The following CNDP1 variants were observed in gnomAD, a reference collection of about 807,000 sequenced individuals.
CNDP1 encodes carnosine dipeptidase 1.
In CNDP1, 44 loss-of-function variants were observed where a neutral mutation model predicts 58.1. The ratio of observed to expected loss-of-function variants is 0.76; its 90% CI spans 0.60 to 0.97. CNDP1 has a LOEUF of 0.97. Ranked by LOEUF, CNDP1 falls within the 50% of genes least tolerant of loss-of-function variation. CNDP1 has a pLI of 0.00. For synonymous variants in CNDP1, 254 were observed against 252.6 expected (o/e 1.01, Z -0.05); for missense variants, 616 against 655.1 (o/e 0.94, Z 0.65).
intron 2 of CNDP1, 100 bp downstream of exon 2, chr18:74,556,566 G>A: frequency 7.0e-7 from 1 of 1,438,380 alleles, no homozygotes; most frequent in South Asian, 1.2e-5. Context: ...GGATTTTTTT[G>A]CCTAATTCCA....
At chr18:74,573,985 G>C (rs1421125543) in intron 7 of CNDP1, among the ~76,000 whole-genome samples, 1 of 152,242 alleles carries the variant, frequency 6.6e-6, no homozygotes, top group African/African-American at 2.4e-5. Context: ...ATAGTGTTGA[G>C]CTTTAGTGTT....
chr18:74,578,928 A>T (rs1016433479), intron 9 of CNDP1, among the ~76,000 whole-genome samples: 1 of 152,184 alleles, frequency 6.6e-6, no homozygotes, highest in African/African-American at 2.4e-5. Context: ...CCAACCAATC[A>T]TCAATTTGCC....
At chr18:74,583,499 A>T in intron 10 of CNDP1, 62 bp from the exon 11 acceptor site, 1 of 1,415,812 alleles carries the variant, frequency 7.1e-7, no homozygotes, top group South Asian at 1.2e-5. Context: ...ACTGACCTTG[A>T]GGAGCTTCCT....
At chr18:74,546,488 C>T (rs907725021) in intron 1 of CNDP1, among the ~76,000 whole-genome samples, 3 of 152,110 alleles carry the variant, frequency 2.0e-5, no homozygotes, top group Non-Finnish European at 2.9e-5. Context: ...GTGCCAGATG[C>T]GGTACTGTCT....
intron 10 of CNDP1, among the ~76,000 whole-genome samples, chr18:74,581,360 A>C (rs1170941764): frequency 6.6e-6 from 1 of 151,350 alleles, no homozygotes; most frequent in Non-Finnish European, 1.5e-5. Context: ...TGGGTGTTTA[A>C]TTTTACCTAG....
At chr18:74,569,264 T>C (rs752894145) in intron 6 of CNDP1, among the ~76,000 whole-genome samples, 1 of 152,024 alleles carries the variant, frequency 6.6e-6, no homozygotes, top group Non-Finnish European at 1.5e-5. Context: ...TGGTGCCACA[T>C]TGAAGATGAA....
intron 7 of CNDP1, among the ~76,000 whole-genome samples, chr18:74,572,855 A>AAG (rs1981520941): frequency 6.6e-6 from 1 of 151,412 alleles, no homozygotes; most frequent in South Asian, 2.1e-4. Flanking sequence ...GCAAAAAAAA[A>AAG]ATGTTTAATA....
intron 1 of CNDP1, among the ~76,000 whole-genome samples, chr18:74,548,637 C>T (rs776392147): frequency 1.4e-4 from 22 of 152,138 alleles, no homozygotes; most frequent in South Asian, 4.1e-4. Context: ...GAGGCAACTT[C>T]GGAACTCAGT....
At chr18:74,556,589 A>G in intron 2 of CNDP1, 123 bp downstream of exon 2, 1 of 1,068,016 alleles carries the variant, frequency 9.4e-7, no homozygotes, top group South Asian at 1.3e-5. Context: ...TAAAATGCCT[A>G]TGACTGCTCA....
At chr18:74,560,339 A>C (rs984658774) in intron 3 of CNDP1, among the ~76,000 whole-genome samples, 2 of 152,226 alleles carry the variant, frequency 1.3e-5, no homozygotes, top group Non-Finnish European at 2.9e-5. Context: ...TGAAGAGGAC[A>C]TTCAGCTAAT....
At chr18:74,554,949 A>G (rs771222456) in intron 1 of CNDP1, among the ~76,000 whole-genome samples, 5 of 152,144 alleles carry the variant, frequency 3.3e-5, no homozygotes, top group Non-Finnish European at 5.9e-5. Context: ...AATAAGCAAC[A>G]TCGGCGGGGC....
chr18:74,559,250 G>A, intron 2 of CNDP1, 73 bp from the exon 3 acceptor site: 1 of 1,503,546 alleles, frequency 6.7e-7, no homozygotes, highest in Non-Finnish European at 9.2e-7. Context: ...GCTGTCTCCT[G>A]CCCTCCCTTC....
intron 11 of CNDP1, chr18:74,583,953 G>A (rs1981851597): frequency 2.1e-6 from 1 of 476,042 alleles, no homozygotes. Flanking sequence ...GGTGGGGTTA[G>A]GTGGTTCTGG....
intron 7 of CNDP1, among the ~76,000 whole-genome samples, chr18:74,575,314 TG>T (rs1454002578): frequency 5.3e-5 from 8 of 152,310 alleles, no homozygotes; most frequent in Admixed American, 1.3e-4. Context: ...TGAGGTACAG[TG>T]CGTGCTTAGA....
intron 2 of CNDP1, among the ~76,000 whole-genome samples, chr18:74,558,392 CTTT>C (rs71168498): frequency 2.4e-4 from 27 of 114,298 alleles, no homozygotes; most frequent in Admixed American, 1.1e-3. Context: ...CTTTCTTTTT[CTTT>C]TTTTTTTTTT....
chr18:74,565,868 C>A (rs532637142), intron 5 of CNDP1, among the ~76,000 whole-genome samples: 1 of 152,256 alleles, frequency 6.6e-6, no homozygotes, highest in African/African-American at 2.4e-5. Flanking sequence ...GGGGTTCCAA[C>A]GCCACATTTC....
intron 1 of CNDP1, among the ~76,000 whole-genome samples, chr18:74,541,714 A>C (rs1197636903): frequency 6.6e-6 from 1 of 152,150 alleles, no homozygotes; most frequent in South Asian, 2.1e-4. Flanking sequence ...AGCCCTAATC[A>C]GGAGGTAGGG....
chr18:74,549,261 G>T (rs965218236), intron 1 of CNDP1, among the ~76,000 whole-genome samples: 1 of 152,178 alleles, frequency 6.6e-6, no homozygotes, highest in African/African-American at 2.4e-5. Flanking sequence ...TGCTGAAAAT[G>T]TCAAATCCTA....
In CNDP1 at chr18:74,545,330, T is replaced by A. The variant is rs546009722; in HGVS notation, c.24+10639T>A. On this transcript the variant is annotated intron_variant, in intron 1 of 11. Coordinates refer to ENST00000358821, the MANE Select transcript of CNDP1 (RefSeq NM_032649.6). The surrounding 1 kb of genome is among the most constrained non-coding windows in gnomAD (Gnocchi z 4.1). ...CGCCAGAGGTGGCCAAGCCCTGGAG[T>A]CCACCCCCGCCTTTAACCGGGGACC... Among the ~76,000 whole-genome samples, 4 of 151,950 alleles carry A rather than the reference T, an allele frequency of 2.6e-5. No individual in the cohort carries two copies. The highest frequency in any genetic ancestry group is 1.3e-4 in the Admixed American group (2 of 15,248).
Sources: gnomAD v4.1 joint callset for allele counts (sites outside exome capture counted in the v4.1 genomes callset) on GRCh38, gnomAD v4.1.1 for gene constraint, Gnocchi (gnomAD v3.1) non-coding constraint, MANE v1.5 for transcripts, NCBI Gene and HGNC (gene_info 2026-07-23, HGNC 2026-07-21) for gene names.